The following CACNB2 variants were observed in gnomAD, a reference collection of about 807,000 sequenced individuals.
CACNB2 encodes the protein calcium voltage-gated channel auxiliary subunit beta 2, also known as voltage-dependent L-type calcium channel subunit beta-2.
CACNB2 carries 42 observed loss-of-function variants against 73.3 expected under a neutral mutation model. The ratio of observed to expected loss-of-function variants is 0.57; its 90% CI spans 0.45 to 0.74. The LOEUF (loss-of-function observed/expected upper bound fraction) is 0.74, where lower values mean the gene tolerates loss of function less well. Among genes scored for constraint, CACNB2 ranks in the 30% least tolerant of loss-of-function variants. The pLI is 0.00. For synonymous variants in CACNB2, 348 were observed against 310.3 expected (o/e 1.12, Z -1.28); for missense variants, 940 against 853.0 (o/e 1.10, Z -1.27).
chr10:18,521,050 A>T (rs1240290498), intron 9 of CACNB2, among the ~76,000 whole-genome samples: 1 of 152,234 alleles, frequency 6.6e-6, no homozygotes, highest in Non-Finnish European at 1.5e-5. Context: ...CAACATGAGC[A>T]GTGGCCAGAT....
chr10:18,286,048 T>C (rs1187883061), intron 2 of CACNB2, among the ~76,000 whole-genome samples: 1 of 152,198 alleles, frequency 6.6e-6, no homozygotes, highest in East Asian at 1.9e-4. Flanking sequence ...TATATGTACA[T>C]CTGTGAACAC....
At chr10:18,240,282 C>T (rs1053845111) in intron 2 of CACNB2, among the ~76,000 whole-genome samples, 3 of 152,128 alleles carry the variant, frequency 2.0e-5, no homozygotes, top group Admixed American at 2.0e-4. Context: ...GCAAAACAAT[C>T]GCAGAGTGAC....
intron 6 of CACNB2, among the ~76,000 whole-genome samples, chr10:18,510,661 G>A (rs2050719221): frequency 6.6e-6 from 1 of 152,146 alleles, no homozygotes; most frequent in African/African-American, 2.4e-5. Flanking sequence ...TAGATTCAAT[G>A]GGCAAATCAC....
chr10:18,224,508 TTC>T (rs2035912980), intron 2 of CACNB2, among the ~76,000 whole-genome samples: 1 of 152,170 alleles, frequency 6.6e-6, no homozygotes, highest in African/African-American at 2.4e-5. Context: ...TCCAAAGAAT[TTC>T]TTTCTCTAAC....
chr10:18,265,038 C>T (rs932888550), intron 2 of CACNB2, among the ~76,000 whole-genome samples: 13 of 151,988 alleles, frequency 8.6e-5, no homozygotes, highest in Non-Finnish European at 1.2e-4. Context: ...TGCATTTTAG[C>T]GTGTCTGATG....
At chr10:18,393,276 A>G (rs1431212192) in intron 2 of CACNB2, among the ~76,000 whole-genome samples, 1 of 152,132 alleles carries the variant, frequency 6.6e-6, no homozygotes, top group African/African-American at 2.4e-5. Context: ...CAAAACACAC[A>G]TACACATACA....
intron 2 of CACNB2, among the ~76,000 whole-genome samples, chr10:18,387,881 C>G (rs183475623): frequency 6.6e-6 from 1 of 152,062 alleles, no homozygotes; most frequent in African/African-American, 2.4e-5. Flanking sequence ...CTCAGCCTCC[C>G]AAGTAGCTGG....
intron 1 of CACNB2, among the ~76,000 whole-genome samples, chr10:18,144,345 G>T (rs2030744865): frequency 6.6e-6 from 1 of 152,252 alleles, no homozygotes; most frequent in African/African-American, 2.4e-5. Flanking sequence ...CTCCCAAAGT[G>T]CTGGGATTAC....
intron 2 of CACNB2, among the ~76,000 whole-genome samples, chr10:18,226,339 G>A (rs918736777): frequency 6.6e-6 from 1 of 152,178 alleles, no homozygotes; most frequent in African/African-American, 2.4e-5. Context: ...ATGGTTTTAA[G>A]TTTCTATTGA....
chr10:18,484,841 A>G (rs577112045), intron 3 of CACNB2, among the ~76,000 whole-genome samples: 1 of 152,314 alleles, frequency 6.6e-6, no homozygotes, highest in South Asian at 2.1e-4. Flanking sequence ...GCACTTACAT[A>G]TATATATGTT....
At chr10:18,516,503 A>G (rs1178090135) in intron 7 of CACNB2, among the ~76,000 whole-genome samples, 1 of 152,190 alleles carries the variant, frequency 6.6e-6, no homozygotes, top group African/African-American at 2.4e-5. Context: ...AAATGCAGGA[A>G]ATTTACATTC....
At chr10:18,285,173 C>G (rs2038732854) in intron 2 of CACNB2, among the ~76,000 whole-genome samples, 1 of 152,118 alleles carries the variant, frequency 6.6e-6, no homozygotes, top group Admixed American at 6.6e-5. Context: ...AGCCATATAC[C>G]CTGTATTCCT....
intron 3 of CACNB2, 92 bp from the exon 4 acceptor site, chr10:18,498,263 T>G: frequency 1.4e-6 from 2 of 1,444,662 alleles, no homozygotes; most frequent in Non-Finnish European, 1.9e-6. Flanking sequence ...ATGATTACAG[T>G]AGTTATTCAG....
chr10:18,514,605 A>C (rs2051095498), intron 7 of CACNB2: 15 of 1,513,260 alleles, frequency 9.9e-6, no homozygotes, highest in Non-Finnish European at 1.3e-5. Flanking sequence ...AGTTGTATTA[A>C]ATACAATCAT....
intron 3 of CACNB2, among the ~76,000 whole-genome samples, chr10:18,486,887 G>A (rs1461096474): frequency 2.0e-5 from 3 of 152,148 alleles, no homozygotes; most frequent in African/African-American, 2.4e-5. Context: ...CAGGGAAATC[G>A]AGGACGTGGA....
At chr10:18,261,253 C>G (rs1225137836) in intron 2 of CACNB2, 1 of 1,550,890 alleles carries the variant, frequency 6.4e-7, no homozygotes, top group Non-Finnish European at 8.7e-7. Context: ...ACGCTGACTG[C>G]GTTCTGCCCC....
intron 2 of CACNB2, among the ~76,000 whole-genome samples, chr10:18,167,463 A>G (rs2032932535): frequency 6.6e-6 from 1 of 152,148 alleles, no homozygotes; most frequent in African/African-American, 2.4e-5. Context: ...ATAAGATAAA[A>G]AACAATAAAG....
chr10:18,490,976 C>T (rs1176413418), intron 3 of CACNB2, among the ~76,000 whole-genome samples: 5 of 152,128 alleles, frequency 3.3e-5, no homozygotes, highest in Non-Finnish European at 5.9e-5. Flanking sequence ...TCCTCAAGAG[C>T]CAGAGCACCT....
intron 3 of CACNB2, among the ~76,000 whole-genome samples, chr10:18,402,340 T>A (rs949328546): frequency 1.3e-5 from 2 of 149,596 alleles, no homozygotes; most frequent in African/African-American, 4.9e-5. Context: ...AAACTGCACC[T>A]AATATCAACA....
Sources: gnomAD v4.1 joint callset for allele counts (sites outside exome capture counted in the v4.1 genomes callset) on GRCh38, gnomAD v4.1.1 for gene constraint, MANE v1.5 for transcripts, NCBI Gene and HGNC (gene_info 2026-07-23, HGNC 2026-07-21) for gene names.